Variants in TSPAN11 observed in about 807,000 individuals in gnomAD.
TSPAN11 encodes the protein tetraspanin-11.
TSPAN11 carries 29 observed loss-of-function variants against 32.9 expected under a neutral mutation model. The ratio of observed to expected loss-of-function variants is 0.88; its 90% confidence interval spans 0.66 to 1.20. The LOEUF is 1.20. Among genes scored for constraint, TSPAN11 ranks in the 50% most tolerant of loss-of-function variants. The pLI is 0.00. For synonymous variants in TSPAN11, 140 were observed against 141.3 expected, an observed-to-expected ratio of 0.99 and a Z score of 0.07; for missense variants, 283 against 329.1, an observed-to-expected ratio of 0.86 and a Z score of 1.08.
chr12:30,933,078 C>T (rs758945025), intron 1 of TSPAN11, among the ~76,000 whole-genome samples: 4 of 152,162 alleles, frequency 2.6e-5, no homozygotes, highest in Non-Finnish European at 4.4e-5. Context: ...CTGCCAGAGC[C>T]GCAGGATGAC....
the TSPAN11 span, chr12:31,012,799 T>G: frequency 6.6e-6 from 1 of 152,256 alleles, no homozygotes; most frequent in African/African-American, 2.4e-5. Context: ...TCCTTTCCCC[T>G]TCTTTGTATT....
intron 1 of TSPAN11, among the ~76,000 whole-genome samples, chr12:30,952,209 G>A (rs1938396058): frequency 6.6e-6 from 1 of 152,166 alleles, no homozygotes; most frequent in Non-Finnish European, 1.5e-5. Context: ...GCCTGGGAGG[G>A]GAGGGAGACT....
At chr12:30,971,341 A>G (rs1938846749) in intron 3 of TSPAN11, among the ~76,000 whole-genome samples, 2 of 152,216 alleles carry the variant, frequency 1.3e-5, no homozygotes, top group African/African-American at 4.8e-5. Context: ...TACCTCAAAG[A>G]TGGCACCAGC....
At chr12:30,927,214 G>A (rs886530084) in intron 1 of TSPAN11, among the ~76,000 whole-genome samples, 1 of 152,240 alleles carries the variant, frequency 6.6e-6, no homozygotes, top group Admixed American at 6.5e-5. Flanking sequence ...ACACCAAAAT[G>A]CTGTATCTGG....
Position 30,957,861 on chromosome 12 carries a change from T to TCCC in TSPAN11, c.84+3786_84+3787insCCC, listed in dbSNP as rs1565794240. Among the ~76,000 whole-genome samples, 33 of 30,530 alleles carry TCCC rather than the reference T, an allele frequency of 1.1e-3. 5 individuals carry two copies. The highest frequency in any genetic ancestry group is 1.6e-3 in the Non-Finnish European group (28 of 17,230). 20.0% of individuals were successfully genotyped at this position (30,530 alleles called of 152,430 possible). ...CCTCCTTCCTTCCTTCCTTCCTTCC[T>TCCC]TCCCTCCCTCCCTCCCTCCTTCCTT... is the stretch of plus-strand genomic sequence containing the variant. On this transcript the variant is annotated intron_variant, in intron 2 of 7. Coordinates refer to ENST00000546076, the MANE Select transcript of TSPAN11 (RefSeq NM_001370302.1).
chr12:30,983,601 ATG>A (rs1310641894), intron 7 of TSPAN11, among the ~76,000 whole-genome samples: 2 of 152,018 alleles, frequency 1.3e-5, no homozygotes, highest in East Asian at 3.9e-4. Context: ...TTGTGTGTGC[ATG>A]TGTGTTTGTG....
At chr12:30,952,286 C>T (rs995378884) in intron 1 of TSPAN11, among the ~76,000 whole-genome samples, 2 of 152,142 alleles carry the variant, frequency 1.3e-5, no homozygotes, top group African/African-American at 4.8e-5. Context: ...GCCCAGGAGA[C>T]GCTGCACCTG....
chr12:30,934,198 A>T (rs1184567798), intron 1 of TSPAN11, among the ~76,000 whole-genome samples: 3 of 152,168 alleles, frequency 2.0e-5, no homozygotes, highest in Admixed American at 6.5e-5. Flanking sequence ...GACCGGGAAG[A>T]CCCACTTCAG....
At chr12:30,979,543 G>A (rs774273026) in intron 4 of TSPAN11, 23 bp from the exon 5 acceptor site, 1 of 1,612,478 alleles carries the variant, frequency 6.2e-7, no homozygotes, top group Non-Finnish European at 8.5e-7. Context: ...CGCTGATGGG[G>A]ACTTCGCTCC....
At chr12:30,941,405 C>G (rs1938161121) in intron 1 of TSPAN11, among the ~76,000 whole-genome samples, 1 of 152,154 alleles carries the variant, frequency 6.6e-6, no homozygotes, top group South Asian at 2.1e-4. Flanking sequence ...ATACACAGAG[C>G]CTTGGGCGAT....
chr12:31,015,845 G>A, the TSPAN11 span: 6 of 152,232 alleles, frequency 3.9e-5, no homozygotes, highest in East Asian at 1.9e-4. The surrounding 1 kb of genome is among the most constrained non-coding windows in gnomAD (Gnocchi z 4.9). Flanking sequence ...TGGCAGCTGC[G>A]GAAGAGCTGG....
At chr12:30,979,802 G>A (rs990326073) in intron 5 of TSPAN11, 132 bp downstream of exon 5, 3 of 870,750 alleles carry the variant, frequency 3.4e-6, no homozygotes, top group Admixed American at 2.4e-5. Flanking sequence ...TCCTTAAAAT[G>A]AAGCCTCTTT....
At chr12:30,952,173 C>T (rs1201114048) in intron 1 of TSPAN11, among the ~76,000 whole-genome samples, 1 of 152,134 alleles carries the variant, frequency 6.6e-6, no homozygotes, top group Non-Finnish European at 1.5e-5. Context: ...AGAGAGAAAG[C>T]TCTGGGGCAG....
At chr12:31,004,050 C>T in the TSPAN11 span, among the ~76,000 whole-genome samples, 2 of 152,126 alleles carry the variant, frequency 1.3e-5, no homozygotes, top group African/African-American at 2.4e-5. Flanking sequence ...GAAGAGACCT[C>T]GTCTGGCTGG....
chr12:31,014,554 T>C, the TSPAN11 span, among the ~76,000 whole-genome samples: 1 of 152,246 alleles, frequency 6.6e-6, no homozygotes, highest in East Asian at 1.9e-4. Flanking sequence ...TATTTATCAG[T>C]ATGTTTTATT....
At chr12:30,937,048 A>T (rs1938059286) in intron 1 of TSPAN11, among the ~76,000 whole-genome samples, 1 of 152,232 alleles carries the variant, frequency 6.6e-6, no homozygotes, top group Admixed American at 6.5e-5. Context: ...GTAACATGAA[A>T]CCAGCAGTGG....
At position 30,981,813 on chromosome 12, in the gene TSPAN11, C is replaced by G. The variant is rs541161053; in HGVS notation, c.457-719C>G. 5.9e-5 allele frequency among the ~76,000 whole-genome samples: 9 copies of G among 152,324 alleles called. No homozygotes were observed. The East Asian group carries it at 1.7e-3, about 29-fold the overall frequency. Reference sequence around the variant, plus strand: ...TTAGCTGAACTAAACATACCTCCACCCCACCCACCTCCAGACATACACCAG... The same window carrying G: ...TTAGCTGAACTAAACATACCTCCACGCCACCCACCTCCAGACATACACCAG... On this transcript the variant is annotated intron_variant, in intron 5 of 7. Transcript: ENST00000546076.
intron 2 of TSPAN11, 31 bp downstream of exon 2, chr12:30,954,106 C>G: frequency 6.5e-7 from 1 of 1,541,122 alleles, no homozygotes; most frequent in Non-Finnish European, 9.0e-7. Context: ...CATCCTCTTC[C>G]CCGAGCACTG....
At position 30,975,943 on chromosome 12, in the gene TSPAN11, C is replaced by T. The variant is rs755793129; in HGVS notation, c.277-2618C>T. Reference sequence around the variant, plus strand: ...AGCAGGAGGGATCCGGCCTCAGCACCGTAGCTGAGGATGGTGGAGGGAAGT... The same window carrying T: ...AGCAGGAGGGATCCGGCCTCAGCACTGTAGCTGAGGATGGTGGAGGGAAGT... On this transcript the variant is annotated intron_variant, in intron 3 of 7. Coordinates refer to ENST00000546076, the MANE Select transcript of TSPAN11 (RefSeq NM_001370302.1). This position sits in a 1 kb window ranked among gnomAD's most constrained non-coding sequence, Gnocchi z 4.5. Among the ~76,000 whole-genome samples the T allele has an allele frequency of 6.6e-6, 1 of 152,150 alleles. No individual in the cohort carries two copies. Among genetic ancestry groups the T allele is most frequent in the Non-Finnish European group, 1.5e-5 (1 of 68,018 alleles).
Sources: gnomAD v4.1 joint callset for allele counts (sites outside exome capture counted in the v4.1 genomes callset) on GRCh38, gnomAD v4.1.1 for gene constraint, Gnocchi (gnomAD v3.1) non-coding constraint, MANE v1.5 for transcripts, NCBI Gene and HGNC (gene_info 2026-07-23, HGNC 2026-07-21) for gene names.